COL22A1: variants seen among roughly 807,000 people sequenced by gnomAD.
COL22A1 encodes collagen type XXII alpha 1 chain.
A neutral mutation model predicts 248.9 loss-of-function variants in COL22A1; 221 were observed. That is an observed-to-expected ratio of 0.89 (90% CI 0.80 to 0.99). COL22A1 has a LOEUF of 0.99. Ranked by LOEUF, COL22A1 falls within the 50% of genes least tolerant of loss-of-function variation. The pLI, the probability that COL22A1 is intolerant of heterozygous loss-of-function variation, is 0.00. For synonymous variants in COL22A1, 891 were observed against 793.4 expected, an observed-to-expected ratio of 1.12 and a Z score of -2.07; for missense variants, 2,240 against 2,179.0, an observed-to-expected ratio of 1.03 and a Z score of -0.56.
chr8:138,677,944 A>T (rs1825690124), intron 40 of COL22A1, among the ~76,000 whole-genome samples: 1 of 152,176 alleles, frequency 6.6e-6, no homozygotes, highest in African/African-American at 2.4e-5. Context: ...TGTTATGAAG[A>T]GCCAATGAGA....
intron 4 of COL22A1, among the ~76,000 whole-genome samples, chr8:138,838,606 C>G (rs1335417232): frequency 7.0e-6 from 1 of 142,744 alleles, no homozygotes; most frequent in Non-Finnish European, 1.5e-5. Context: ...TGAACAAAAA[C>G]AAAGAGTTGA....
chr8:138,685,403 C>T, intron 37 of COL22A1, 91 bp from the exon 38 acceptor site: 1 of 968,308 alleles, frequency 1.0e-6, no homozygotes, highest in Non-Finnish European at 1.6e-6. Context: ...TTGTAGGTTT[C>T]CTGGGGCTGC....
At chr8:138,706,171 C>T (rs1392311101) in intron 30 of COL22A1, among the ~76,000 whole-genome samples, 4 of 152,238 alleles carry the variant, frequency 2.6e-5, no homozygotes, top group Non-Finnish European at 5.9e-5. Flanking sequence ...GACTTAGACT[C>T]CCACACAATA....
At chr8:138,745,697 T>C (rs1832047995) in intron 22 of COL22A1, among the ~76,000 whole-genome samples, 1 of 152,318 alleles carries the variant, frequency 6.6e-6, no homozygotes, top group Non-Finnish European at 1.5e-5. Flanking sequence ...AGAATAACAG[T>C]GACAGCCATT....
At chr8:138,665,193 A>G (rs1457373182) in intron 41 of COL22A1, among the ~76,000 whole-genome samples, 1 of 152,220 alleles carries the variant, frequency 6.6e-6, no homozygotes, top group Admixed American at 6.5e-5. Context: ...GAAAGAGACA[A>G]CTGAGAAGCA....
chr8:138,599,606 T>C (rs1202273750), intron 60 of COL22A1, among the ~76,000 whole-genome samples: 1 of 152,138 alleles, frequency 6.6e-6, no homozygotes, highest in East Asian at 1.9e-4. Flanking sequence ...TTGCCTATAG[T>C]CCCAGCTACT....
chr8:138,898,166 C>T (rs150086818), intron 1 of COL22A1, among the ~76,000 whole-genome samples: 26 of 152,286 alleles, frequency 1.7e-4, no homozygotes, highest in Middle Eastern at 3.4e-3. Context: ...TTCAGAGGGA[C>T]ACATTCAGTC....
chr8:138,865,971 ATG>A (rs766186120), intron 3 of COL22A1, among the ~76,000 whole-genome samples: 10 of 150,448 alleles, frequency 6.6e-5, no homozygotes, highest in East Asian at 2.0e-4. Context: ...GTGTGAGTAT[ATG>A]TGTGTGTGTG....
At chr8:138,823,537 C>G (rs538611290) in intron 6 of COL22A1, among the ~76,000 whole-genome samples, 10 of 152,302 alleles carry the variant, frequency 6.6e-5, no homozygotes, top group African/African-American at 2.2e-4. Flanking sequence ...TCCCGAGTAG[C>G]TGGGACTACA....
chr8:138,806,176 G>T (rs796260947), intron 10 of COL22A1, among the ~76,000 whole-genome samples: 16 of 8,168 alleles, frequency 2.0e-3, no homozygotes, highest in East Asian at 6.3e-3. Context: ...GATGGTGTAA[G>T]TAATGGTGTG....
chr8:138,642,766 C>T (rs1821827985), intron 47 of COL22A1, among the ~76,000 whole-genome samples: 1 of 152,178 alleles, frequency 6.6e-6, no homozygotes, highest in Non-Finnish European at 1.5e-5. Flanking sequence ...TGCGGTGGCT[C>T]ATGCCTGTAA....
At chr8:138,813,964 T>C (rs1341317822) in intron 7 of COL22A1, among the ~76,000 whole-genome samples, 1 of 152,268 alleles carries the variant, frequency 6.6e-6, no homozygotes, top group Non-Finnish European at 1.5e-5. Context: ...TCCTTTAATA[T>C]GACAGCCCCT....
At chr8:138,802,322 C>G (rs140837926) in intron 11 of COL22A1, among the ~76,000 whole-genome samples, 1 of 152,050 alleles carries the variant, frequency 6.6e-6, no homozygotes, top group Non-Finnish European at 1.5e-5. Flanking sequence ...CATGCTAGGC[C>G]AGGTGCTGGA....
chr8:138,817,507 G>A (rs952804270), intron 7 of COL22A1, among the ~76,000 whole-genome samples: 1 of 152,168 alleles, frequency 6.6e-6, no homozygotes, highest in Non-Finnish European at 1.5e-5. Context: ...GGTATGCACT[G>A]AAATGATGAG....
intron 1 of COL22A1, among the ~76,000 whole-genome samples, chr8:138,887,477 C>T (rs78575313): frequency 0.11 from 16,000 of 152,234 alleles, 911 homozygotes; most frequent in Middle Eastern, 0.15. Flanking sequence ...CTCGGCCTCC[C>T]AAAGGGCTGG....
rs759592218 is a variant in COL22A1 at position 138,844,175 on chromosome 8, G to T, written c.659-17C>A. 2 of 1,612,812 alleles carry T rather than the reference G, an allele frequency of 1.2e-6. No individual in the cohort carries two copies. The stretch of plus-strand genomic sequence containing the variant: ...AGAGCACATCTGAGGAAAGCAAGAG[G>T]AAACAGAGACTGATGAGAAAATGTG... On this transcript the variant is annotated splice_polypyrimidine_tract_variant and intron_variant, in intron 3 of 64. Coordinates refer to ENST00000303045, the MANE Select transcript of COL22A1 (RefSeq NM_152888.3).
intron 16 of COL22A1, among the ~76,000 whole-genome samples, chr8:138,770,376 G>A (rs972082182): frequency 3.3e-5 from 5 of 152,278 alleles, no homozygotes; most frequent in East Asian, 3.9e-4. Context: ...CTCGGGCTCC[G>A]CCACCTGGAC....
intron 1 of COL22A1, among the ~76,000 whole-genome samples, chr8:138,893,574 GAA>G (rs1487862828): frequency 6.6e-6 from 1 of 152,178 alleles, no homozygotes; most frequent in Non-Finnish European, 1.5e-5. Context: ...AGCAAAATGT[GAA>G]AGAGATTACA....
chr8:138,873,298 G>T (rs539858159), intron 3 of COL22A1, among the ~76,000 whole-genome samples: 1 of 151,624 alleles, frequency 6.6e-6, no homozygotes, highest in East Asian at 1.9e-4. Context: ...ATTATTGTTG[G>T]CTATAATTTC....
Sources: allele counts gnomAD v4.1 joint callset (sites outside exome capture counted in the v4.1 genomes callset), GRCh38; gene constraint gnomAD v4.1.1; transcripts MANE v1.5; gene names NCBI Gene and HGNC (gene_info 2026-07-23, HGNC 2026-07-21).